The following NEK11 variants were observed in gnomAD, a reference collection of about 807,000 sequenced individuals.
NEK11 encodes serine/threonine-protein kinase Nek11.
NEK11 carries 72 observed loss-of-function variants against 80.7 expected under a neutral mutation model. The observed-to-expected ratio is 0.89, with a 90% CI of 0.74 to 1.08. The LOEUF is 1.08. Among genes scored for constraint, NEK11 ranks in the 50% least tolerant of loss-of-function variants. NEK11 has a pLI of 0.00. For missense variants in NEK11, 764 were observed against 763.6 expected, an observed-to-expected ratio of 1.00 and a Z score of -0.01; for synonymous variants, 251 against 260.7, an observed-to-expected ratio of 0.96 and a Z score of 0.36.
chr3:131,171,337 A>G (rs954718450), intron 14 of NEK11, among the ~76,000 whole-genome samples: 1 of 152,240 alleles, frequency 6.6e-6, no homozygotes, highest in Non-Finnish European at 1.5e-5. Context: ...GCAGGAATAC[A>G]AAGGGAGGCC....
chr3:131,145,314 T>C (rs1408780355), intron 7 of NEK11, among the ~76,000 whole-genome samples: 1 of 152,136 alleles, frequency 6.6e-6, no homozygotes, highest in Non-Finnish European at 1.5e-5. Flanking sequence ...CTACCACATC[T>C]TTTTATAACC....
intron 3 of NEK11, among the ~76,000 whole-genome samples, chr3:131,042,566 C>T (rs1465900256): frequency 1.3e-5 from 2 of 152,220 alleles, no homozygotes; most frequent in African/African-American, 4.8e-5. Flanking sequence ...CTCTAGATTC[C>T]TCCTCTCTGG....
intron 10 of NEK11, among the ~76,000 whole-genome samples, chr3:131,161,613 T>C (rs771764163): frequency 2.6e-5 from 4 of 152,098 alleles, no homozygotes; most frequent in African/African-American, 4.8e-5. Flanking sequence ...TTCTCACTTA[T>C]AAGTGGGAGC....
At chr3:131,183,528 A>G (rs2093462684) in intron 14 of NEK11, among the ~76,000 whole-genome samples, 1 of 152,174 alleles carries the variant, frequency 6.6e-6, no homozygotes, top group African/African-American at 2.4e-5. Flanking sequence ...AAGTGAGAAC[A>G]TGTGGTGTTT....
At chr3:131,326,919 C>T (rs1319184197) in intron 17 of NEK11, among the ~76,000 whole-genome samples, 2 of 152,118 alleles carry the variant, frequency 1.3e-5, no homozygotes, top group African/African-American at 4.8e-5. Flanking sequence ...GGATTAATAC[C>T]TTTACAAAAG....
chr3:131,241,081 CAGAG>C lies in NEK11; in HGVS notation c.1561-2352_1561-2349del, dbSNP rs749359529. 2.0e-5 allele frequency among the ~76,000 whole-genome samples: 3 copies of C among 151,966 alleles called. 1 individual carries two copies. Among genetic ancestry groups the C allele is most frequent in the South Asian group, 4.1e-4 (2 of 4,828 alleles). On this transcript the variant is annotated intron_variant, in intron 15 of 17. Coordinates refer to ENST00000383366, the MANE Select transcript of NEK11 (RefSeq NM_024800.5). ...ATGGATCTGTCATATCTCTTCTTGA[CAGAG>C]AGCATATTTTAATAGATAGGAGAAT...
At chr3:131,079,039 C>A (rs1012322971) in intron 3 of NEK11, among the ~76,000 whole-genome samples, 4 of 151,992 alleles carry the variant, frequency 2.6e-5, no homozygotes, top group Non-Finnish European at 5.9e-5. Flanking sequence ...TACTTGACAG[C>A]TGTTTATTTT....
At chr3:131,106,341 A>G (rs1175363657) in intron 4 of NEK11, among the ~76,000 whole-genome samples, 1 of 151,936 alleles carries the variant, frequency 6.6e-6, no homozygotes, top group Non-Finnish European at 1.5e-5. Flanking sequence ...CTGGTATAGA[A>G]AGGACATTTT....
At position 131,212,003 on chromosome 3, in the gene NEK11, G is replaced by C. The variant is rs530764592; in HGVS notation, c.1400-16525G>C. 2.0e-5 allele frequency among the ~76,000 whole-genome samples: 3 copies of C among 152,296 alleles called. No individual in the cohort carries two copies. The South Asian group carries it at 6.2e-4, about 32-fold the overall frequency. On this transcript the variant is annotated intron_variant, in intron 14 of 17. Transcript: ENST00000383366. ...GTCATTCTCCTTCCAGCTTTGTTCA[G>C]TTGCTGGCGAGGAGATGCGATCCTT...
chr3:131,318,903 T>C (rs2096870690), intron 17 of NEK11, among the ~76,000 whole-genome samples: 1 of 151,918 alleles, frequency 6.6e-6, no homozygotes, highest in African/African-American at 2.4e-5. Context: ...AGGACATTAA[T>C]ATCATTTTTT....
intron 17 of NEK11, among the ~76,000 whole-genome samples, chr3:131,338,263 C>G (rs1457704258): frequency 2.8e-5 from 3 of 106,612 alleles, no homozygotes; most frequent in African/African-American, 1.0e-4. Flanking sequence ...CGGCGCCCAG[C>G]TGGTTTTTTT....
intron 16 of NEK11, among the ~76,000 whole-genome samples, chr3:131,252,502 G>A (rs1355555949): frequency 6.6e-6 from 1 of 152,092 alleles, no homozygotes; most frequent in Non-Finnish European, 1.5e-5. Flanking sequence ...ACTTGGAACA[G>A]GGACAGTGAT....
intron 5 of NEK11, among the ~76,000 whole-genome samples, chr3:131,113,634 C>CG (rs1317170477): frequency 6.6e-6 from 1 of 151,996 alleles, no homozygotes; most frequent in African/African-American, 2.4e-5. Context: ...AAAAGCAGGC[C>CG]GGGCACAGTG....
chr3:131,310,354 C>G lies in NEK11; in HGVS notation c.1718+36780C>G, dbSNP rs112715292. ...TCAGGTGCCCATAGGTTTGTTTTCTCTGGACAAGATGCAAGGCTCCAGTGA... is the reference window on the plus strand; with the variant it reads ...TCAGGTGCCCATAGGTTTGTTTTCTGTGGACAAGATGCAAGGCTCCAGTGA... On this transcript the variant is annotated intron_variant, in intron 17 of 17. Transcript: ENST00000383366. Among the ~76,000 whole-genome samples the G allele has an allele frequency of 9.8e-3, 1,495 of 152,208 alleles. 21 individuals are homozygous for G. Among genetic ancestry groups the G allele is most frequent in the African/African-American group, 0.032 (1,336 of 41,524 alleles).
At chr3:131,174,804 A>C (rs1032525396) in intron 14 of NEK11, 2 of 1,610,280 alleles carry the variant, frequency 1.2e-6, no homozygotes, top group Admixed American at 3.4e-5. Context: ...GTTTTTTCCA[A>C]AGCTGGAATA....
intron 14 of NEK11, among the ~76,000 whole-genome samples, chr3:131,179,364 G>C (rs907923840): frequency 6.6e-6 from 1 of 152,222 alleles, no homozygotes; most frequent in Non-Finnish European, 1.5e-5. Context: ...TGTACTGACA[G>C]TTTCCTATGC....
At chr3:131,127,470 G>T (rs1276573834) in intron 5 of NEK11, among the ~76,000 whole-genome samples, 2 of 150,246 alleles carry the variant, frequency 1.3e-5, no homozygotes, top group Non-Finnish European at 3.0e-5. Flanking sequence ...CACTCCTAGT[G>T]CATATAAAAA....
At chr3:131,154,222 G>A (rs889799402) in intron 9 of NEK11, among the ~76,000 whole-genome samples, 3 of 152,050 alleles carry the variant, frequency 2.0e-5, no homozygotes, top group Non-Finnish European at 2.9e-5. Context: ...CCTCTGGAAA[G>A]AGCCTCATAT....
intron 5 of NEK11, among the ~76,000 whole-genome samples, chr3:131,131,904 A>G (rs2084555111): frequency 6.6e-6 from 1 of 151,474 alleles, no homozygotes; most frequent in African/African-American, 2.4e-5. Context: ...GTGTGTTTTC[A>G]TTTTCATTTA....
Sources: allele counts gnomAD v4.1 joint callset (sites outside exome capture counted in the v4.1 genomes callset), GRCh38; gene constraint gnomAD v4.1.1; transcripts MANE v1.5; gene names NCBI Gene and HGNC (gene_info 2026-07-23, HGNC 2026-07-21).